CACNA1E: variants seen among roughly 807,000 people sequenced by gnomAD.
The protein encoded by CACNA1E is calcium voltage-gated channel subunit alpha1 E.
A neutral mutation model predicts 259.2 loss-of-function variants in CACNA1E; 40 were observed. The observed-to-expected ratio is 0.15, with a 90% CI of 0.12 to 0.20. The LOEUF is 0.20. CACNA1E is among the 10% of genes least tolerant of loss of function. The pLI, the probability that CACNA1E is intolerant of heterozygous loss-of-function variation, is 1.00. For missense variants in CACNA1E, 1,874 were observed against 3,040.1 expected, an observed-to-expected ratio of 0.62 and a Z score of 9.02; for synonymous variants, 1,104 against 1,138.5, an observed-to-expected ratio of 0.97 and a Z score of 0.61.
chr1:181,494,348 G>A (rs1475098445), intron 1 of CACNA1E, among the ~76,000 whole-genome samples: 1 of 146,904 alleles, frequency 6.8e-6, no homozygotes, highest in Non-Finnish European at 1.5e-5. Context: ...GTGGCATTCC[G>A]TTTCTGACTT....
chr1:181,381,167 CAA>C (rs58534581), intron 1 of CACNA1E, among the ~76,000 whole-genome samples: 8,109 of 115,404 alleles, frequency 0.07, 712 homozygotes, highest in African/African-American at 0.22. Flanking sequence ...GACTCCATCT[CAA>C]AAAAAAAAAA....
intron 4 of CACNA1E, 53 bp downstream of exon 4, chr1:181,577,922 C>T (rs919193329): frequency 6.9e-6 from 8 of 1,162,286 alleles, no homozygotes; most frequent in Non-Finnish European, 1.0e-5. Flanking sequence ...CATGTGTCCT[C>T]AGCTGGATCC....
intron 34 of CACNA1E, among the ~76,000 whole-genome samples, chr1:181,765,402 T>C (rs914430688): frequency 1.3e-5 from 2 of 152,170 alleles, no homozygotes; most frequent in African/African-American, 4.8e-5. Flanking sequence ...ACCCTGTCCT[T>C]CCTTCTGGCT....
At chr1:181,524,933 A>G (rs753550244) in intron 3 of CACNA1E, among the ~76,000 whole-genome samples, 28 of 152,244 alleles carry the variant, frequency 1.8e-4, no homozygotes, top group Non-Finnish European at 3.2e-4. Context: ...TGTCAGATGC[A>G]TAGGAGATAT....
At chr1:181,572,541 G>C (rs1026727196) in intron 3 of CACNA1E, among the ~76,000 whole-genome samples, 2 of 152,176 alleles carry the variant, frequency 1.3e-5, no homozygotes, top group Non-Finnish European at 2.9e-5. Flanking sequence ...CCTCTGTTGT[G>C]GGGGCAAAGT....
chr1:181,707,823 C>T (rs1034453508), intron 7 of CACNA1E, among the ~76,000 whole-genome samples: 1 of 152,028 alleles, frequency 6.6e-6, no homozygotes, highest in Non-Finnish European at 1.5e-5. Context: ...TGTGGTAGGC[C>T]TATTCTAGTC....
At chr1:181,384,736 C>A (rs1336754312) in intron 1 of CACNA1E, among the ~76,000 whole-genome samples, 1 of 152,100 alleles carries the variant, frequency 6.6e-6, no homozygotes, top group African/African-American at 2.4e-5. Context: ...CCTCCCAGAC[C>A]CTGCCATGTT....
chr1:181,674,587 CA>C (rs909277468), intron 7 of CACNA1E, among the ~76,000 whole-genome samples: 1 of 152,136 alleles, frequency 6.6e-6, no homozygotes, highest in African/African-American at 2.4e-5. Flanking sequence ...GACCAGGCCT[CA>C]TCTGAATGTT....
intron 1 of CACNA1E, among the ~76,000 whole-genome samples, chr1:181,374,658 G>A (rs1365047848): frequency 2.0e-5 from 3 of 151,968 alleles, no homozygotes; most frequent in African/African-American, 7.3e-5. Flanking sequence ...TTAGAGATGG[G>A]GTCTTGCTAT....
At position 181,339,995 on chromosome 1, in the gene CACNA1E, T is replaced by C. The variant is rs115129065; in HGVS notation, c.-15+21872T>C. On this transcript the variant is annotated intron_variant, in intron 1 of 11. Transcript: ENST00000524607. Reference sequence around the variant, plus strand: ...ACAGTTGAATGTATCAGTCTCTTTATTATTGTGTCTTGGTTTTATATTATT... The same window carrying C: ...ACAGTTGAATGTATCAGTCTCTTTACTATTGTGTCTTGGTTTTATATTATT... 6.4e-3 allele frequency among the ~76,000 whole-genome samples: 971 copies of C among 152,172 alleles called. 9 individuals carry two copies. Among genetic ancestry groups the C allele is most frequent in the African/African-American group, 0.022 (921 of 41,568 alleles).
At chr1:181,697,371 C>A (rs1186470280) in intron 7 of CACNA1E, among the ~76,000 whole-genome samples, 1 of 152,172 alleles carries the variant, frequency 6.6e-6, no homozygotes, top group South Asian at 2.1e-4. Flanking sequence ...CCTTTGGCTT[C>A]ATTTAAAAAG....
At chr1:181,392,160 T>C (rs2102043272) in intron 1 of CACNA1E, among the ~76,000 whole-genome samples, 1 of 152,160 alleles carries the variant, frequency 6.6e-6, no homozygotes, top group East Asian at 1.9e-4. Flanking sequence ...AATCCCAGTG[T>C]CTTTTAATCT....
At chr1:181,622,620 C>T (rs78944362) in intron 6 of CACNA1E, among the ~76,000 whole-genome samples, 12,671 of 152,128 alleles carry the variant, frequency 0.083, 622 homozygotes, top group South Asian at 0.2. Context: ...TTAGGGCCCA[C>T]CCTATTGACC....
intron 6 of CACNA1E, among the ~76,000 whole-genome samples, chr1:181,610,693 A>AAATCC (rs1005424113): frequency 6.6e-6 from 1 of 152,322 alleles, no homozygotes; most frequent in East Asian, 1.9e-4. Flanking sequence ...GAGGCTCAAG[A>AAATCC]AATCCCTGTT....
intron 6 of CACNA1E, among the ~76,000 whole-genome samples, chr1:181,590,414 A>ATATAT (rs1206091612): frequency 1.6e-5 from 2 of 125,674 alleles, no homozygotes; most frequent in African/African-American, 6.2e-5. Context: ...AAAAAAAAAA[A>ATATAT]AAATATATAT....
At chr1:181,384,548 G>A (rs1431929980) in intron 1 of CACNA1E, among the ~76,000 whole-genome samples, 1 of 152,168 alleles carries the variant, frequency 6.6e-6, no homozygotes, top group Non-Finnish European at 1.5e-5. Flanking sequence ...GTGTGACTCA[G>A]GCAAGTTACA....
intron 1 of CACNA1E, among the ~76,000 whole-genome samples, chr1:181,390,832 T>C (rs1656216204): frequency 6.6e-6 from 1 of 152,198 alleles, no homozygotes; most frequent in African/African-American, 2.4e-5. Flanking sequence ...TATGTAATTA[T>C]AGTGTGTCTC....
intron 3 of CACNA1E, among the ~76,000 whole-genome samples, chr1:181,529,848 G>T (rs977992507): frequency 6.6e-6 from 1 of 152,210 alleles, no homozygotes; most frequent in Non-Finnish European, 1.5e-5. Context: ...AGGCTCATAG[G>T]TGGAAGGGAC....
chr1:181,461,314 G>C (rs915686671), intron 2 of CACNA1E, among the ~76,000 whole-genome samples: 10 of 152,048 alleles, frequency 6.6e-5, no homozygotes, highest in Non-Finnish European at 1.5e-4. Flanking sequence ...GGCCGAGGCG[G>C]GCGGATCACG....
Sources: allele counts gnomAD v4.1 joint callset (sites outside exome capture counted in the v4.1 genomes callset), GRCh38; gene constraint gnomAD v4.1.1; transcripts MANE v1.5; gene names NCBI Gene and HGNC (gene_info 2026-07-23, HGNC 2026-07-21).